CEP250: variants seen among roughly 807,000 people sequenced by gnomAD.
CEP250 encodes centrosomal protein 250.
A neutral mutation model predicts 315.7 loss-of-function variants in CEP250; 242 were observed. The ratio of observed to expected loss-of-function variants is 0.77; its 90% CI spans 0.69 to 0.85. The LOEUF is 0.85. CEP250 is among the 40% of genes least tolerant of loss of function. The probability of loss-of-function intolerance (pLI) is 0.00; values close to 1 mark genes in which losing one functional copy is unlikely to be tolerated. For synonymous variants in CEP250, 1,088 were observed against 1,175.0 expected, an observed-to-expected ratio of 0.93 and a Z score of 1.51; for missense variants, 2,515 against 2,886.4, an observed-to-expected ratio of 0.87 and a Z score of 2.95.
intron 20 of CEP250, among the ~76,000 whole-genome samples, chr20:35,487,524 T>C (rs1299513225): frequency 6.6e-6 from 1 of 152,142 alleles, no homozygotes; most frequent in Non-Finnish European, 1.5e-5. Flanking sequence ...TATTCTTCCA[T>C]CTACTGTCTG....
At chr20:35,488,332 G>A (rs2063578219) in intron 20 of CEP250, among the ~76,000 whole-genome samples, 1 of 152,202 alleles carries the variant, frequency 6.6e-6, no homozygotes, top group African/African-American at 2.4e-5. Context: ...TATACCCGCT[G>A]TCTTTGGCTT....
intron 22 of CEP250, 86 bp downstream of exon 22, chr20:35,491,432 T>A: frequency 7.1e-7 from 1 of 1,412,748 alleles, no homozygotes; most frequent in Non-Finnish European, 9.7e-7. Context: ...ACTTCTTATG[T>A]GCCAGGCCCT....
rs780893895 is a variant in CEP250, at chr20:35,463,683, G to GGGTCC, written c.243+52_243+53insGGTCC. Reference sequence around the variant, plus strand: ...CCCTGGGTCCTCAGTGAATATACTTGTTAGGTTTCATTTGTTGACTGAGGG... The same window carrying GGGTCC: ...CCCTGGGTCCTCAGTGAATATACTTGGGTCCTTAGGTTTCATTTGTTGACTGAGGG... On this transcript the variant is annotated intron_variant, in intron 5 of 34. Transcript: ENST00000397527. The GGGTCC allele has an allele frequency of 1.0e-5, 15 of 1,482,782 alleles. No homozygotes were observed. The African/African-American group carries it at 2.1e-4, about 21-fold the overall frequency. 91.9% of individuals were successfully genotyped at this position (1,482,782 alleles called of 1,614,324 possible).
chr20:35,480,491 T>A (rs2063315521), intron 20 of CEP250, among the ~76,000 whole-genome samples: 3 of 152,166 alleles, frequency 2.0e-5, no homozygotes. Context: ...GTGTTTTGTC[T>A]TTTAATAATG....
chr20:35,475,573 C>G lies in CEP250; in HGVS notation c.1643C>G (p.Ala548Gly). The change falls in exon 15 of 35, where the codon GCC becomes GGC. Residue 548 changes from alanine to glycine, a missense_variant. Transcript: ENST00000397527. The part of the protein sequence containing the change: ...SLSELITLRE[A>G]LESSHLEGEL... ...AGTGAACTGATCACTCTTCGGGAAG[C>G]CCTGGAGTCAAGTCACCTGGAAGGG... The G allele has an allele frequency of 6.2e-7, 1 of 1,614,128 alleles. No individual in the cohort carries two copies. The highest frequency in any genetic ancestry group is 8.5e-7 in the Non-Finnish European group (1 of 1,180,018).
rs2063661405 is a variant in CEP250 at position 35,490,676 on chromosome 20, G to A, written c.2626G>A (p.Ala876Thr). 3 of 1,613,762 alleles carry A rather than the reference G, an allele frequency of 1.9e-6. No homozygotes were observed. Among genetic ancestry groups the A allele is most frequent in the Non-Finnish European group, 1.7e-6 (2 of 1,179,916 alleles). ...CTGGCACCAGCAGGAGCTGGCAAAG[G>A]CTCTGGAGAGCTTAGAAAGGGAAAA... The part of the protein sequence containing the change: ...RSWHQQELAK[A>T]LESLEREKME... Residue 876 changes from alanine (A) to threonine (T), a missense_variant, in exon 21 of 35, where the codon GCT (alanine) becomes ACT (threonine). Coordinates refer to ENST00000397527, the MANE Select transcript of CEP250 (RefSeq NM_007186.6).
chr20:35,502,591 C>T lies in CEP250; in HGVS notation c.4222C>T (p.Gln1408Ter). Residue 1408 changes from glutamine (Q) to a stop codon, truncating the protein, a stop_gained, in exon 30 of 35, where the codon CAG becomes TAG. Transcript: ENST00000397527. LOFTEE classifies it high-confidence loss of function. The stretch of plus-strand genomic sequence containing the variant: ...TGAGAGAGCCCAGGCTCTGCAAGAG[C>T]AGGGCGAACTGAAGGTGGCCCAAGG... ...ERERAQALQE[Q>*]GELKVAQGKA... 6.2e-7 allele frequency: 1 copy of T among 1,614,212 alleles called. No individual in the cohort carries two copies. The highest frequency in any genetic ancestry group is 8.5e-7 in the Non-Finnish European group (1 of 1,180,038).
In CEP250 at chr20:35,491,411, G is replaced by A. The variant is rs7263450; in HGVS notation, c.2889+65G>A. ...CTCATTTACCCATTCGACCATGAAGGGTTCTTGGGCACTTCTTATGTGCCA... is the reference window on the plus strand; with the variant it reads ...CTCATTTACCCATTCGACCATGAAGAGTTCTTGGGCACTTCTTATGTGCCA... On this transcript the variant is annotated intron_variant, in intron 22 of 34. Transcript: ENST00000397527. 6,651 of 1,528,922 alleles carry A rather than the reference G, an allele frequency of 4.4e-3. 260 individuals are homozygous for A. In the African/African-American group the frequency reaches 0.078, roughly 18 times the overall value. 94.7% of individuals were successfully genotyped at this position (1,528,922 alleles called of 1,614,324 possible). A position where few individuals can be genotyped will look rare whatever the true frequency, so the allele number is the denominator to read the frequency against.
rs2063959326 is a variant in CEP250, at chr20:35,500,075, A to G, written c.3804A>G (p.Lys1268=). Residue 1268 remains lysine, a synonymous_variant, in exon 28 of 35, where the codon AAA becomes AAG. Transcript: ENST00000397527. ...ATGTTCTGAGGGATCAGGTCCAGAA[A>G]CTGGAAGAGCGTCTAACTGATACTG... The part of the protein sequence containing the change: ...TRDVLRDQVQ[K]LEERLTDTEA... 6.2e-7 allele frequency: 1 copy of G among 1,614,004 alleles called. No individual in the cohort carries two copies. The highest frequency in any genetic ancestry group is 8.5e-7 in the Non-Finnish European group (1 of 1,180,016).
chr20:35,465,530 A>G (rs114374994), intron 5 of CEP250, among the ~76,000 whole-genome samples: 2,035 of 152,308 alleles, frequency 0.013, 53 homozygotes, highest in African/African-American at 0.047. Context: ...TCTTAAGTTG[A>G]AGATTCTATT....
At chr20:35,488,493 G>T (rs2063585192) in intron 20 of CEP250, among the ~76,000 whole-genome samples, 1 of 151,718 alleles carries the variant, frequency 6.6e-6, no homozygotes, top group Admixed American at 6.6e-5. Context: ...TTGCTCTGTT[G>T]CCCAGGCTGG....
chr20:35,493,362 C>T, intron 22 of CEP250, 67 bp from the exon 23 acceptor site: 7 of 1,403,064 alleles, frequency 5.0e-6, no homozygotes, highest in Non-Finnish European at 6.6e-6. Flanking sequence ...TTTGCCACCC[C>T]ACCAAAAAAA....
rs372510691 is a variant in CEP250 at position 35,491,306 on chromosome 20, G to A, written c.2849G>A (p.Arg950Gln). Residue 950 changes from arginine (R) to glutamine (Q), a missense_variant, in exon 22 of 35, where the codon CGA becomes CAA. Arg to Gln is a conservative substitution (Grantham distance 43). Transcript: ENST00000397527. ...GCAGATGCCAGCCAACAACTGGAACGACTGAGGCAGGACATGAAAGTCCAG... is the reference window on the plus strand; with the variant it reads ...GCAGATGCCAGCCAACAACTGGAACAACTGAGGCAGGACATGAAAGTCCAG... The part of the protein sequence containing the change: ...ELADASQQLE[R>Q]LRQDMKVQKL... The A allele has an allele frequency of 7.5e-6, 12 of 1,601,712 alleles. No individual in the cohort carries two copies. Among genetic ancestry groups the A allele is most frequent in the Admixed American group, 3.4e-5 (2 of 58,326 alleles).
At chr20:35,495,399 A>G (rs1054075569) in intron 24 of CEP250, among the ~76,000 whole-genome samples, 4 of 152,232 alleles carry the variant, frequency 2.6e-5, no homozygotes, top group African/African-American at 9.6e-5. Context: ...ATGCCATGAG[A>G]CATCAGGAGT....
intron 22 of CEP250, among the ~76,000 whole-genome samples, chr20:35,493,122 C>A (rs982277403): frequency 6.6e-6 from 1 of 151,978 alleles, no homozygotes; most frequent in African/African-American, 2.4e-5. Context: ...ATTCTCTACT[C>A]TCCTGAGTAG....
chr20:35,485,954 C>G (rs916107925), intron 20 of CEP250, among the ~76,000 whole-genome samples: 1 of 150,950 alleles, frequency 6.6e-6, no homozygotes, highest in Non-Finnish European at 1.5e-5. Context: ...TGAGCCACCA[C>G]GCCCAGCCAC....
At chr20:35,455,219 T>G (rs1160358472), upstream of CEP250, 2 of 152,204 alleles carry the variant, frequency 1.3e-5, no homozygotes, top group Non-Finnish European at 2.9e-5. Flanking sequence ...TAGCCGGGCG[T>G]CTGCGGGAGC....
At position 35,467,882 on chromosome 20, in the gene CEP250, G is replaced by A. The variant is rs562503242; in HGVS notation, c.851+327G>A. Reference sequence around the variant, plus strand: ...TCTTTGTACCTGCTGAATTTAGTCTGGAATGCCTCCCTCCCTTCTCTCTCT... The same window carrying A: ...TCTTTGTACCTGCTGAATTTAGTCTAGAATGCCTCCCTCCCTTCTCTCTCT... On this transcript the variant is annotated intron_variant, in intron 9 of 34. Coordinates refer to ENST00000397527, the MANE Select transcript of CEP250 (RefSeq NM_007186.6). Among the ~76,000 whole-genome samples, 52 of 151,460 alleles carry A rather than the reference G, an allele frequency of 3.4e-4. 1 individual carries two copies. The highest frequency in any genetic ancestry group is 1.2e-3 in the African/African-American group (51 of 41,188).
intron 30 of CEP250, among the ~76,000 whole-genome samples, chr20:35,505,670 AAT>A (rs1401922307): frequency 6.6e-6 from 1 of 151,560 alleles, no homozygotes; most frequent in Non-Finnish European, 1.5e-5. Context: ...AAAAAAAAAA[AAT>A]AGACGTGAAG....
Sources: allele counts gnomAD v4.1 joint callset (sites outside exome capture counted in the v4.1 genomes callset), GRCh38; gene constraint gnomAD v4.1.1; transcripts MANE v1.5; gene names NCBI Gene and HGNC (gene_info 2026-07-23, HGNC 2026-07-21).